The following PHF23 variants were observed in gnomAD, a reference collection of about 807,000 sequenced individuals.
The protein encoded by PHF23 is PDH-containing protein JUNE-1.
Under a neutral mutation model 36.0 loss-of-function variants are expected in PHF23, and 3 were observed. That is an observed-to-expected ratio of 0.08 (90% CI 0.04 to 0.22). The LOEUF (loss-of-function observed/expected upper bound fraction) is 0.22, where lower values mean the gene tolerates loss of function less well. Ranked by LOEUF, PHF23 falls within the 10% of genes least tolerant of loss-of-function variation. PHF23 has a pLI of 1.00. For synonymous variants in PHF23, 242 were observed against 192.5 expected (o/e 1.26, Z -2.13); for missense variants, 475 against 513.6 (o/e 0.92, Z 0.73).
Position 7,237,365 on chromosome 17 carries a change from A to T in PHF23, c.159+20T>A, listed in dbSNP as rs1309135937. Reference sequence around the variant, plus strand: ...AGTCCCACCACACCAGCCTCAAGTCAGTAATTCTCTTGCCCCTACCTCTTT... The same window carrying T: ...AGTCCCACCACACCAGCCTCAAGTCTGTAATTCTCTTGCCCCTACCTCTTT... On this transcript the variant is annotated intron_variant, in intron 3 of 4. Coordinates refer to ENST00000320316, the MANE Select transcript of PHF23 (RefSeq NM_024297.3). 6.3e-7 allele frequency: 1 copy of T among 1,590,090 alleles called. No homozygotes were observed. Among genetic ancestry groups the T allele is most frequent in the Non-Finnish European group, 8.6e-7 (1 of 1,158,768 alleles).
chr17:7,237,604 G>A (rs574023290), intron 2 of PHF23, 25 bp downstream of exon 2: 5 of 1,613,902 alleles, frequency 3.1e-6, no homozygotes, highest in Middle Eastern at 1.7e-4. Flanking sequence ...GGGCTACTAG[G>A]CTGCAAAGGT....
chr17:7,239,347 GTGCTCGATGCTCCCAC>G lies in PHF23; in HGVS notation c.-84_-69del. On this transcript the variant is annotated 5_prime_UTR_variant, in exon 1 of 5. Transcript: ENST00000320316. ...GCCGGGGATCCCGGTGCCGCCTCTA[GTGCTCGATGCTCCCAC>G]TGCTTCGCTCCACAGAAGTGTCCGC... 1 of 786,614 alleles carries G rather than the reference GTGCTCGATGCTCCCAC, an allele frequency of 1.3e-6. No individual in the cohort carries two copies. The highest frequency in any genetic ancestry group is 2.7e-5 in the East Asian group (1 of 36,964). 48.7% of individuals were successfully genotyped at this position (786,614 alleles called of 1,614,324 possible).
upstream of PHF23, chr17:7,240,720 G>T: frequency 8.9e-6 from 6 of 670,512 alleles, no homozygotes; most frequent in South Asian, 8.6e-5. Flanking sequence ...TGGAGAGAAA[G>T]CCACAAACAT....
chr17:7,240,205 A>C (rs941002388), upstream of PHF23: 1 of 152,224 alleles, frequency 6.6e-6, no homozygotes, highest in African/African-American at 2.4e-5. Flanking sequence ...CTAAAGTTTC[A>C]AGAAATAATC....
intron 2 of PHF23, 50 bp from the exon 3 acceptor site, chr17:7,237,527 T>C (rs1186227508): frequency 1.2e-6 from 2 of 1,603,292 alleles, no homozygotes; most frequent in East Asian, 4.5e-5. Context: ...AGTTTAAGAA[T>C]GGCATTCCCA....
At position 7,235,683 on chromosome 17, in the gene PHF23, C is replaced by T. The variant is rs1457316835; in HGVS notation, c.1155G>A (p.Lys385=). ...VPDFFYCQKC[K]ELRPEARRLG... Reference sequence around the variant, plus strand: ...ACCGCCGGGCCTCTGGCCTCAGTTCCTTGCATTTCTGGCAATAAAAGAAGT... The same window carrying T: ...ACCGCCGGGCCTCTGGCCTCAGTTCTTTGCATTTCTGGCAATAAAAGAAGT... The change falls in exon 5 of 5, where the codon AAG becomes AAA. Residue 385 remains lysine, a synonymous_variant. Coordinates refer to ENST00000320316, the MANE Select transcript of PHF23 (RefSeq NM_024297.3). 6.2e-7 allele frequency: 1 copy of T among 1,614,062 alleles called. No homozygotes were observed. Among genetic ancestry groups the T allele is most frequent in the Non-Finnish European group, 8.5e-7 (1 of 1,180,042 alleles).
intron 4 of PHF23, 38 bp from the exon 5 acceptor site, chr17:7,235,878 C>A (rs1478231238): frequency 6.2e-7 from 1 of 1,613,502 alleles, no homozygotes; most frequent in Non-Finnish European, 8.5e-7. Context: ...TCTGCCTGAG[C>A]TGTTGGATCC....
chr17:7,236,136 G>A lies in PHF23; in HGVS notation c.791C>T (p.Thr264Ile), dbSNP rs1567580656. 8 of 1,610,852 alleles carry A rather than the reference G, an allele frequency of 5.0e-6. No individual in the cohort carries two copies. Among genetic ancestry groups the A allele is most frequent in the East Asian group, 2.2e-5 (1 of 44,862 alleles). Reference sequence around the variant, plus strand: ...GACTGGGGCTTCACCCCCTACCACTGTTGCCATCTCTTCTTCTTCTTCCTC... The same window carrying A: ...GACTGGGGCTTCACCCCCTACCACTATTGCCATCTCTTCTTCTTCTTCCTC... ...EEEEEEEEMA[T>I]VVGGEAPVPV... Residue 264 changes from threonine (T) to isoleucine (I), a missense_variant, in exon 4 of 5, where the codon ACA becomes ATA. Around this residue, in one of 5 missense-constraint regions of PHF23, gnomAD observed 350 missense variants for 319.8 expected, o/e 1.09. Transcript: ENST00000320316. This position sits in a 1 kb window ranked among gnomAD's most constrained non-coding sequence, Gnocchi z 5.1.
intron 1 of PHF23, 185 bp downstream of exon 1, chr17:7,239,061 G>T: frequency 7.9e-7 from 1 of 1,261,296 alleles, no homozygotes; most frequent in Non-Finnish European, 1.1e-6. Flanking sequence ...AACTACCCCA[G>T]CCCAGTTTCC....
chr17:7,238,903 C>T, intron 1 of PHF23: 4 of 1,531,874 alleles, frequency 2.6e-6, no homozygotes, highest in Non-Finnish European at 3.5e-6. Flanking sequence ...CTTCTACGTC[C>T]TCCCTCCTGA....
chr17:7,236,485 G>A lies in PHF23; in HGVS notation c.442C>T (p.Pro148Ser), dbSNP rs1357599852. 9 of 1,613,994 alleles carry A rather than the reference G, an allele frequency of 5.6e-6. No homozygotes were observed. Among genetic ancestry groups the A allele is most frequent in the Non-Finnish European group, 7.6e-6 (9 of 1,179,964 alleles). The change falls in exon 4 of 5, where the codon CCT becomes TCT. Residue 148 changes from proline to serine, a missense_variant. By Grantham distance (74) the Pro-to-Ser change is moderately conservative. Coordinates refer to ENST00000320316, the MANE Select transcript of PHF23 (RefSeq NM_024297.3). This position sits in a 1 kb window ranked among gnomAD's most constrained non-coding sequence, Gnocchi z 5.1. Reference sequence around the variant, plus strand: ...TGTGTCAGGGATGTGGGGGACAAAGGAGATGCCACTTTGGGCCCATCCAGA... The same window carrying A: ...TGTGTCAGGGATGTGGGGGACAAAGAAGATGCCACTTTGGGCCCATCCAGA... ...FDLDGPKVAS[P>S]LSPTSLTHTS...
Position 7,235,500 on chromosome 17 carries a change from C to A in PHF23, c.*126G>T. ...GTGAGACACTCATTTTCAAACAAGT[C>A]TCCCTTGAGAATTCCTGCCTTGAAG... On this transcript the variant is annotated 3_prime_UTR_variant, in exon 5 of 5. Coordinates refer to ENST00000320316, the MANE Select transcript of PHF23 (RefSeq NM_024297.3). The A allele has an allele frequency of 1.1e-6, 1 of 950,104 alleles. No homozygotes were observed. The highest frequency in any genetic ancestry group is 1.6e-6 in the Non-Finnish European group (1 of 620,408). The allele number at this position is 950,104 out of a possible 1,614,324, so 58.9% of individuals were successfully genotyped here.
upstream of PHF23, chr17:7,240,669 T>TA: frequency 1.7e-6 from 1 of 572,658 alleles, no homozygotes; most frequent in Non-Finnish European, 3.1e-6. Flanking sequence ...AAAGGAGAGT[T>TA]ACAAGATGCC....
chr17:7,239,553 T>G, upstream of PHF23: 7 of 251,012 alleles, frequency 2.8e-5, no homozygotes, highest in Non-Finnish European at 1.6e-5. Context: ...CTTCTCTCCC[T>G]CCTCCCCCCG....
chr17:7,236,716 C>T lies in PHF23; in HGVS notation c.211G>A (p.Ala71Thr). Reference protein sequence around the residue: ...GSSSPLRGESAADSDGWDSAP... With the variant: ...GSSSPLRGESTADSDGWDSAP... ...GAGTCCCAGCCATCACTGTCGGCCG[C>T]ACTCTCTCCTCGCAATGGAGAGCTG... Residue 71 changes from alanine (A) to threonine (T), a missense_variant, in exon 4 of 5, where the codon GCG becomes ACG. Physicochemically the swap from Ala to Thr is moderately conservative, Grantham distance 58. This residue lies in a region of PHF23 where 350 missense variants were observed against 319.8 expected (regional missense o/e 1.09). Coordinates refer to ENST00000320316, the MANE Select transcript of PHF23 (RefSeq NM_024297.3). The surrounding 1 kb of genome is among the most constrained non-coding windows in gnomAD (Gnocchi z 5.1). The T allele has an allele frequency of 5.0e-6, 8 of 1,613,926 alleles. No homozygotes were observed. The highest frequency in any genetic ancestry group is 6.8e-6 in the Non-Finnish European group (8 of 1,180,000).
upstream of PHF23, chr17:7,240,160 T>C (rs1431659645): frequency 6.6e-6 from 1 of 152,218 alleles, no homozygotes; most frequent in East Asian, 1.9e-4. Flanking sequence ...TACATGAGCA[T>C]TTTTAACATT....
intron 1 of PHF23, 45 bp downstream of exon 1, chr17:7,239,201 C>T (rs1009997594): frequency 1.5e-6 from 2 of 1,373,364 alleles, no homozygotes; most frequent in African/African-American, 2.9e-5. Context: ...TGATTCCTCG[C>T]CCGCCCCCCG....
intron 1 of PHF23, chr17:7,237,976 ACCGCTC>A (rs896493043): frequency 3.2e-5 from 9 of 282,106 alleles, no homozygotes; most frequent in African/African-American, 5.5e-5. Context: ...ACCCCACCGT[ACCGCTC>A]CCGGGGCCGC....
Position 7,235,673 on chromosome 17 carries a change from G to C in PHF23, c.1165C>G (p.Pro389Ala). 10 of 1,614,146 alleles carry C rather than the reference G, an allele frequency of 6.2e-6. No homozygotes were observed. Among genetic ancestry groups the C allele is most frequent in the Non-Finnish European group, 8.5e-6 (10 of 1,180,032 alleles). The change falls in exon 5 of 5, where the codon CCA becomes GCA. Residue 389 changes from proline to alanine, a missense_variant. Physicochemically the swap from Pro to Ala is conservative, Grantham distance 27. Coordinates refer to ENST00000320316, the MANE Select transcript of PHF23 (RefSeq NM_024297.3). ...FYCQKCKELR[P>A]EARRLGGPPK... ...GGCCCCCCTAACCGCCGGGCCTCTG[G>C]CCTCAGTTCCTTGCATTTCTGGCAA...
Sources: allele counts gnomAD v4.1 joint callset, GRCh38; gene constraint gnomAD v4.1.1; regional missense constraint gnomAD v4.1.1; non-coding constraint Gnocchi (gnomAD v3.1); transcripts MANE v1.5; gene names NCBI Gene and HGNC (gene_info 2026-07-23, HGNC 2026-07-21).